Variants in ERICH1 observed in about 807,000 individuals in gnomAD.
ERICH1 encodes glutamate-rich protein 1.
In ERICH1, 56 loss-of-function variants were observed where a neutral mutation model predicts 39.6. The ratio of observed to expected loss-of-function variants is 1.41; its 90% CI spans 1.14 to 1.77. The LOEUF (loss-of-function observed/expected upper bound fraction) is 1.77, where lower values mean the gene tolerates loss of function less well. Ranked by LOEUF, ERICH1 falls within the 40% of genes most tolerant of loss-of-function variation. The probability of loss-of-function intolerance (pLI) is 0.00; values close to 1 mark genes in which losing one functional copy is unlikely to be tolerated. For synonymous variants in ERICH1, 313 were observed against 223.6 expected (o/e 1.40, Z -3.57); for missense variants, 826 against 575.4 (o/e 1.44, Z -4.45).
intron 3 of ERICH1, among the ~76,000 whole-genome samples, chr8:688,307 C>CGCCCCGGCCCCTCCCCCGCCCCGCCCCG (rs1287677947): frequency 1.8e-5 from 2 of 110,698 alleles, no homozygotes; most frequent in Non-Finnish European, 2.0e-5. Flanking sequence ...TCCGCCGCCC[C>CGCCCCGGCCCCTCCCCCGCCCCGCCCCG]GCCCCGGGCC....
chr8:698,271 T>G (rs889053696), intron 2 of ERICH1, among the ~76,000 whole-genome samples: 17 of 150,390 alleles, frequency 1.1e-4, no homozygotes, highest in Admixed American at 1.0e-3. Context: ...CAGGCTGGAG[T>G]GCAGCGGCTC....
At chr8:689,015 A>G (rs892170002) in intron 3 of ERICH1, among the ~76,000 whole-genome samples, 5 of 152,254 alleles carry the variant, frequency 3.3e-5, no homozygotes, top group Admixed American at 2.6e-4. Flanking sequence ...CTTTTGATTA[A>G]TCTGCAATAA....
intron 3 of ERICH1, among the ~76,000 whole-genome samples, chr8:623,377 G>A (rs1043654652): frequency 2.0e-5 from 3 of 152,252 alleles, no homozygotes; most frequent in East Asian, 3.9e-4. Flanking sequence ...ACTAGAAATC[G>A]AAGGAAACCT....
At chr8:678,702 G>T (rs776961113) in intron 3 of ERICH1, among the ~76,000 whole-genome samples, 1 of 152,162 alleles carries the variant, frequency 6.6e-6, no homozygotes, top group Non-Finnish European at 1.5e-5. Flanking sequence ...CAGCTACTCC[G>T]GAGGCTGAGG....
At chr8:726,850 T>TACGTATGTACACAGATACACATGCACAC (rs1818846581) in intron 1 of ERICH1, among the ~76,000 whole-genome samples, 1 of 150,122 alleles carries the variant, frequency 6.7e-6, no homozygotes, top group Non-Finnish European at 1.5e-5. Flanking sequence ...CACAGGCACA[T>TACGTATGTACACAGATACACATGCACAC]ACGTATGTAC....
intron 2 of ERICH1, among the ~76,000 whole-genome samples, chr8:713,391 C>T (rs1202739439): frequency 1.3e-5 from 2 of 152,214 alleles, no homozygotes; most frequent in Non-Finnish European, 2.9e-5. Context: ...TATCCTACTA[C>T]ACTGGGAGCT....
At chr8:691,387 A>T (rs1294184480) in intron 3 of ERICH1, among the ~76,000 whole-genome samples, 3 of 152,260 alleles carry the variant, frequency 2.0e-5, no homozygotes, top group Admixed American at 1.3e-4. Flanking sequence ...GCTCATGGCC[A>T]AGCGAGCCTT....
At chr8:723,714 T>C (rs1049994708) in intron 1 of ERICH1, among the ~76,000 whole-genome samples, 4 of 152,242 alleles carry the variant, frequency 2.6e-5, no homozygotes, top group South Asian at 2.1e-4. Flanking sequence ...TTTCTGGAAA[T>C]CTGATTGTTT....
chr8:633,056 G>C (rs902365452), intron 3 of ERICH1, among the ~76,000 whole-genome samples: 5 of 152,194 alleles, frequency 3.3e-5, no homozygotes, highest in Non-Finnish European at 7.4e-5. Flanking sequence ...CGCACAACCA[G>C]TGTGGGGCCC....
intron 1 of ERICH1, among the ~76,000 whole-genome samples, chr8:724,649 C>T (rs1818155507): frequency 1.3e-5 from 2 of 152,216 alleles, no homozygotes; most frequent in South Asian, 2.1e-4. Context: ...TTATGAAAAT[C>T]AGGAGACACC....
At chr8:643,099 C>T (rs1482072368) in intron 3 of ERICH1, among the ~76,000 whole-genome samples, 2 of 152,078 alleles carry the variant, frequency 1.3e-5, no homozygotes, top group African/African-American at 4.8e-5. Context: ...GGGTGCCCTT[C>T]AAGGTCCAGG....
At chr8:643,139 G>T (rs1487290258) in intron 3 of ERICH1, among the ~76,000 whole-genome samples, 1 of 152,110 alleles carries the variant, frequency 6.6e-6, no homozygotes, top group Non-Finnish European at 1.5e-5. Context: ...GCAGCCTGGA[G>T]TCTCCCGTCC....
chr8:657,360 C>A (rs1478975786), intron 3 of ERICH1, among the ~76,000 whole-genome samples: 1 of 151,414 alleles, frequency 6.6e-6, no homozygotes, highest in East Asian at 1.9e-4. Flanking sequence ...TATTGCAGGA[C>A]TGGAGTGTCT....
intron 3 of ERICH1, among the ~76,000 whole-genome samples, chr8:632,122 G>A (rs911783986): frequency 6.6e-6 from 1 of 152,200 alleles, no homozygotes; most frequent in Admixed American, 6.5e-5. Context: ...TTGTGCTCAG[G>A]AGAGGAAAAC....
chr8:622,671 G>C (rs779103925), intron 3 of ERICH1, among the ~76,000 whole-genome samples: 4 of 152,136 alleles, frequency 2.6e-5, no homozygotes, highest in Non-Finnish European at 5.9e-5. Context: ...CATTTAAAAA[G>C]GCAGGGCACA....
At chr8:623,762 C>G (rs933202681) in intron 3 of ERICH1, among the ~76,000 whole-genome samples, 1 of 152,098 alleles carries the variant, frequency 6.6e-6, no homozygotes, top group Non-Finnish European at 1.5e-5. Context: ...CAAAATGGAC[C>G]ACAGACCTTA....
chr8:730,436 A>C (rs1360059856), intron 1 of ERICH1, among the ~76,000 whole-genome samples: 1 of 152,232 alleles, frequency 6.6e-6, no homozygotes, highest in Non-Finnish European at 1.5e-5. Context: ...AATTAATCCA[A>C]GTAACACGAG....
At chr8:631,426 G>A (rs1402519637) in intron 3 of ERICH1, among the ~76,000 whole-genome samples, 1 of 152,210 alleles carries the variant, frequency 6.6e-6, no homozygotes, top group Non-Finnish European at 1.5e-5. Context: ...CATGCAGGCG[G>A]GTGAGGATGG....
Position 649,291 on chromosome 8 carries a change from A to T in ERICH1, c.976+19307T>A, listed in dbSNP as rs576073121. On this transcript the variant is annotated intron_variant, in intron 3 of 3. Transcript: ENST00000522706. Reference sequence around the variant, plus strand: ...TATCTGTGCCAGTGCAGCTGTCTTTAGAATAAACAAATATTTAGCTAAAAT... The same window carrying T: ...TATCTGTGCCAGTGCAGCTGTCTTTTGAATAAACAAATATTTAGCTAAAAT... 2.3e-3 allele frequency among the ~76,000 whole-genome samples: 156 copies of T among 69,296 alleles called. 57 individuals are homozygous for T. Among genetic ancestry groups the T allele is most frequent in the African/African-American group, 5.5e-3 (152 of 27,542 alleles). The allele number at this position is 69,296 out of a possible 152,430, so 45.5% of individuals were successfully genotyped here.
Sources: allele counts gnomAD v4.1 joint callset (sites outside exome capture counted in the v4.1 genomes callset), GRCh38; gene constraint gnomAD v4.1.1; transcripts MANE v1.5; gene names NCBI Gene and HGNC (gene_info 2026-07-23, HGNC 2026-07-21).